SHROOM3: variants seen among roughly 807,000 people sequenced by gnomAD.
The protein encoded by SHROOM3 is protein Shroom3.
Under a neutral mutation model 138.6 loss-of-function variants are expected in SHROOM3, and 47 were observed. The observed-to-expected ratio is 0.34, with a 90% confidence interval of 0.27 to 0.43. The LOEUF is 0.43. Among genes scored for constraint, SHROOM3 ranks in the 20% least tolerant of loss-of-function variants. The probability of loss-of-function intolerance (pLI) is 1.00; values close to 1 mark genes in which losing one functional copy is unlikely to be tolerated. For missense variants in SHROOM3, 2,491 were observed against 2,596.5 expected, an observed-to-expected ratio of 0.96 and a Z score of 0.88; for synonymous variants, 1,062 against 1,063.3, an observed-to-expected ratio of 1.00 and a Z score of 0.02.
At chr4:76,528,548 C>CTTT (rs35121750) in intron 1 of SHROOM3, among the ~76,000 whole-genome samples, 51 of 125,038 alleles carry the variant, frequency 4.1e-4, no homozygotes, top group African/African-American at 1.3e-3. Context: ...TTCTTTCTTT[C>CTTT]TTTTTTTTTT....
chr4:76,611,047 TA>T (rs1457539264), intron 2 of SHROOM3, among the ~76,000 whole-genome samples: 1 of 152,126 alleles, frequency 6.6e-6, no homozygotes, highest in Non-Finnish European at 1.5e-5. Flanking sequence ...TTTTTCCCAT[TA>T]AAAAAATTGC....
rs1732950615 is a variant in SHROOM3, at chr4:76,536,194, C to G, written c.169-19415C>G. 2.0e-5 allele frequency among the ~76,000 whole-genome samples: 3 copies of G among 152,286 alleles called. No individual in the cohort carries two copies. In the South Asian group the frequency reaches 6.2e-4, roughly 32 times the overall value. Reference sequence around the variant, plus strand: ...CACTGGCAGGATCTTCTGTTTATGCCTCCTGAGATGCAAAACTGGAAGGAG... The same window carrying G: ...CACTGGCAGGATCTTCTGTTTATGCGTCCTGAGATGCAAAACTGGAAGGAG... On this transcript the variant is annotated intron_variant, in intron 1 of 10. Coordinates refer to ENST00000296043, the MANE Select transcript of SHROOM3 (RefSeq NM_020859.4).
chr4:76,682,131 CG>C (rs1349931741), intron 2 of SHROOM3, among the ~76,000 whole-genome samples: 4 of 152,158 alleles, frequency 2.6e-5, no homozygotes, highest in Non-Finnish European at 5.9e-5. Context: ...CATCTTAAGT[CG>C]GGCACATGCA....
chr4:76,530,100 A>C (rs1732799818), intron 1 of SHROOM3, among the ~76,000 whole-genome samples: 1 of 152,224 alleles, frequency 6.6e-6, no homozygotes, highest in South Asian at 2.1e-4. Flanking sequence ...TCTACTATTC[A>C]CTTTTCTTCA....
intron 1 of SHROOM3, among the ~76,000 whole-genome samples, chr4:76,464,692 T>C (rs930851703): frequency 5.3e-5 from 8 of 152,180 alleles, no homozygotes; most frequent in Non-Finnish European, 1.2e-4. Context: ...TGGGGGTGGA[T>C]TTCTCCCTTG....
chr4:76,465,632 G>C (rs190623917), intron 1 of SHROOM3, among the ~76,000 whole-genome samples: 43 of 152,214 alleles, frequency 2.8e-4, no homozygotes, highest in Admixed American at 2.7e-3. Flanking sequence ...TCCTATTTCT[G>C]ATACCTCACT....
chr4:76,471,208 C>T (rs769402778), intron 1 of SHROOM3, among the ~76,000 whole-genome samples: 1 of 151,274 alleles, frequency 6.6e-6, no homozygotes. Flanking sequence ...CTGAAGATAG[C>T]TATTGCTTAT....
chr4:76,633,497 A>G (rs2110074865), intron 2 of SHROOM3, among the ~76,000 whole-genome samples: 1 of 151,882 alleles, frequency 6.6e-6, no homozygotes, highest in African/African-American at 2.4e-5. Flanking sequence ...TCTATTAAAA[A>G]TACAAAAAAT....
At chr4:76,601,224 T>C (rs183283968) in intron 2 of SHROOM3, among the ~76,000 whole-genome samples, 20 of 152,236 alleles carry the variant, frequency 1.3e-4, no homozygotes, top group Admixed American at 1.3e-3. Context: ...CATTTAACAA[T>C]ATCTGGAGAC....
chr4:76,590,108 C>T (rs1325999429), intron 2 of SHROOM3, among the ~76,000 whole-genome samples: 1 of 152,152 alleles, frequency 6.6e-6, no homozygotes, highest in African/African-American at 2.4e-5. Context: ...TGCTGGTTCT[C>T]TTAACTGGAT....
At chr4:76,553,800 G>A (rs372871849) in intron 1 of SHROOM3, among the ~76,000 whole-genome samples, 27 of 152,204 alleles carry the variant, frequency 1.8e-4, no homozygotes, top group East Asian at 1.5e-3. Context: ...CCCAGCCAGC[G>A]TATTTATTTT....
chr4:76,519,546 C>A (rs1732519787), intron 1 of SHROOM3, among the ~76,000 whole-genome samples: 1 of 152,080 alleles, frequency 6.6e-6, no homozygotes, highest in African/African-American at 2.4e-5. Flanking sequence ...TCTCATTTCC[C>A]CCCAGAACAA....
intron 1 of SHROOM3, among the ~76,000 whole-genome samples, chr4:76,540,690 G>T (rs1733079817): frequency 6.6e-6 from 1 of 152,086 alleles, no homozygotes; most frequent in Admixed American, 6.6e-5. Context: ...ATCAGGAGTA[G>T]ATGATCAAAT....
intron 2 of SHROOM3, among the ~76,000 whole-genome samples, chr4:76,652,129 C>T (rs1267702182): frequency 6.6e-6 from 1 of 152,116 alleles, no homozygotes; most frequent in Non-Finnish European, 1.5e-5. Context: ...CATTTCTGTG[C>T]TCATATGTAT....
At chr4:76,757,226 T>A in intron 8 of SHROOM3, 1 of 384,424 alleles carries the variant, frequency 2.6e-6, no homozygotes. Context: ...ATTATTTAAT[T>A]TTCACAAGAA....
intron 2 of SHROOM3, among the ~76,000 whole-genome samples, chr4:76,651,397 C>CATAAATAA (rs1553933241): frequency 8.4e-5 from 6 of 71,398 alleles, no homozygotes; most frequent in Admixed American, 3.6e-4. Context: ...TCATGTAACC[C>CATAAATAA]ATAAATATAT....
intron 1 of SHROOM3, among the ~76,000 whole-genome samples, chr4:76,545,573 C>G (rs1733197083): frequency 6.6e-6 from 1 of 152,322 alleles, no homozygotes; most frequent in South Asian, 2.1e-4. Flanking sequence ...CTCCTCTCAG[C>G]AAATTTCTTC....
chr4:76,733,033 G>A (rs1720929425), intron 4 of SHROOM3, among the ~76,000 whole-genome samples: 1 of 152,154 alleles, frequency 6.6e-6, no homozygotes, highest in Non-Finnish European at 1.5e-5. Context: ...ATAAATGCAG[G>A]TGGGTATGTA....
chr4:76,435,379 C>T lies in SHROOM3; in HGVS notation c.-674C>T, dbSNP rs1172382048. ...CGTGCTTTTTCATTTTCTCTACATC[C>T]TGCAAAAGTTTTTTTCTCTCCTAAG... On this transcript the variant is annotated 5_prime_UTR_variant, in exon 1 of 11. Coordinates refer to ENST00000296043, the MANE Select transcript of SHROOM3 (RefSeq NM_020859.4). The T allele has an allele frequency of 6.7e-6, 1 of 148,596 alleles. No homozygotes were observed. Among genetic ancestry groups the T allele is most frequent in the Non-Finnish European group, 1.5e-5 (1 of 67,640 alleles). 9.2% of individuals were successfully genotyped at this position (148,596 alleles called of 1,614,324 possible). A position where few individuals can be genotyped will look rare whatever the true frequency, so the allele number is the denominator to read the frequency against.
Sources: gnomAD v4.1 joint callset for allele counts (sites outside exome capture counted in the v4.1 genomes callset) on GRCh38, gnomAD v4.1.1 for gene constraint, MANE v1.5 for transcripts, NCBI Gene and HGNC (gene_info 2026-07-23, HGNC 2026-07-21) for gene names.